RABGAP1L: variants seen among roughly 807,000 people sequenced by gnomAD.
RABGAP1L encodes rab GTPase-activating protein 1-like.
RABGAP1L carries 63 observed loss-of-function variants against 137.7 expected under a neutral mutation model. The ratio of observed to expected loss-of-function variants is 0.46; its 90% CI spans 0.37 to 0.56. The LOEUF (loss-of-function observed/expected upper bound fraction) is 0.56. RABGAP1L is among the 20% of genes least tolerant of loss of function. The pLI is 0.00. For missense variants in RABGAP1L, 1,095 were observed against 1,244.0 expected (o/e 0.88, Z 1.80); for synonymous variants, 431 against 433.7 (o/e 0.99, Z 0.08).
At chr1:174,816,393 C>T (rs537519847) in intron 19 of RABGAP1L, among the ~76,000 whole-genome samples, 4 of 152,172 alleles carry the variant, frequency 2.6e-5, no homozygotes, top group South Asian at 2.1e-4. Flanking sequence ...TTATCCACCC[C>T]CCTTGGCCAC....
At chr1:174,386,005 G>T (rs1183018079) in intron 12 of RABGAP1L, among the ~76,000 whole-genome samples, 2 of 149,924 alleles carry the variant, frequency 1.3e-5, no homozygotes, top group African/African-American at 2.6e-5. Flanking sequence ...TGTTAGAAAG[G>T]ATGTAACAGA....
intron 13 of RABGAP1L, among the ~76,000 whole-genome samples, chr1:174,605,848 C>T (rs574675527): frequency 7.8e-4 from 119 of 152,134 alleles, no homozygotes; most frequent in Non-Finnish European, 1.5e-3. Flanking sequence ...CTTCTTAAAG[C>T]GAATTTTCTA....
chr1:174,681,891 TCTC>T (rs1490647429), intron 14 of RABGAP1L, among the ~76,000 whole-genome samples: 3 of 152,096 alleles, frequency 2.0e-5, no homozygotes, highest in Admixed American at 6.6e-5. Flanking sequence ...TAAATGGAAA[TCTC>T]CTCACTAAAA....
intron 7 of RABGAP1L, among the ~76,000 whole-genome samples, chr1:174,269,347 G>A (rs988369157): frequency 6.6e-6 from 1 of 152,226 alleles, no homozygotes; most frequent in Non-Finnish European, 1.5e-5. Context: ...TGAGGTTTGT[G>A]ATTTGCCCAG....
At chr1:174,775,117 A>G (rs79708889) in intron 18 of RABGAP1L, among the ~76,000 whole-genome samples, 3,221 of 152,236 alleles carry the variant, frequency 0.021, 54 homozygotes, top group Middle Eastern at 0.085. Flanking sequence ...GGGAAATTTC[A>G]AGCAAAAGTG....
chr1:174,351,897 G>T (rs1214832251), intron 11 of RABGAP1L, among the ~76,000 whole-genome samples: 4 of 152,126 alleles, frequency 2.6e-5, no homozygotes, highest in Non-Finnish European at 4.4e-5. Flanking sequence ...CACCTCCCGG[G>T]TTCATGCCAT....
chr1:174,388,399 A>T (rs1186667693), intron 12 of RABGAP1L, among the ~76,000 whole-genome samples: 1 of 152,028 alleles, frequency 6.6e-6, no homozygotes, highest in Non-Finnish European at 1.5e-5. Context: ...CTGTATAAAA[A>T]GTTCAGTACT....
chr1:174,456,730 A>C (rs1013462469), intron 13 of RABGAP1L, among the ~76,000 whole-genome samples: 1 of 152,154 alleles, frequency 6.6e-6, no homozygotes, highest in African/African-American at 2.4e-5. Flanking sequence ...CTTAGAGGAA[A>C]TCTTTCTTTA....
intron 19 of RABGAP1L, among the ~76,000 whole-genome samples, chr1:174,939,339 T>G (rs2149285416): frequency 6.6e-6 from 1 of 152,178 alleles, no homozygotes; most frequent in East Asian, 1.9e-4. Flanking sequence ...GCAAATCACT[T>G]CAGATGAGGA....
At chr1:174,251,225 C>T (rs1041290971) in intron 6 of RABGAP1L, among the ~76,000 whole-genome samples, 2 of 151,932 alleles carry the variant, frequency 1.3e-5, no homozygotes, top group Non-Finnish European at 2.9e-5. Flanking sequence ...GGTCTCTTCC[C>T]TTTGTTTATT....
rs1553292751 is a variant in RABGAP1L, at chr1:174,952,356, A to AAAG, written c.2341-5099_2341-5098insGAA. ...GGCTCTACCAAAAAAAAAAAAAAAA[A>AAAG]AAAAAAAAGCTAGGCATGGTGGTGT... On this transcript the variant is annotated intron_variant, in intron 19 of 25. Transcript: ENST00000681986. Among the ~76,000 whole-genome samples the AAAG allele has an allele frequency of 3.6e-3, 529 of 148,968 alleles. 8 individuals are homozygous for AAAG. The highest frequency in any genetic ancestry group is 9.1e-3 in the African/African-American group (368 of 40,516).
chr1:174,505,606 A>G (rs554965965), intron 13 of RABGAP1L, among the ~76,000 whole-genome samples: 5 of 152,168 alleles, frequency 3.3e-5, no homozygotes, highest in Non-Finnish European at 7.4e-5. Flanking sequence ...CCAAAATGTC[A>G]CTTCACACCT....
intron 13 of RABGAP1L, among the ~76,000 whole-genome samples, chr1:174,609,950 T>G (rs1172861057): frequency 9.2e-5 from 14 of 151,822 alleles, no homozygotes; most frequent in Non-Finnish European, 4.4e-5. Context: ...AGAGATCCAT[T>G]TTGTTTTGTT....
intron 18 of RABGAP1L, among the ~76,000 whole-genome samples, chr1:174,763,522 G>A (rs1685409124): frequency 1.3e-5 from 2 of 151,230 alleles, no homozygotes. Context: ...GTGGTAGCGG[G>A]CGCCTGTAGT....
rs60907175 is a variant in RABGAP1L, at chr1:174,329,905, T to TA, written c.1465+24785dup. Among the ~76,000 whole-genome samples the TA allele has an allele frequency of 3.6e-4, 54 of 150,536 alleles. 1 individual carries two copies. The South Asian group carries it at 8.4e-3, about 23-fold the overall frequency. On this transcript the variant is annotated intron_variant, in intron 11 of 25. Coordinates refer to ENST00000681986, the MANE Select transcript of RABGAP1L (RefSeq NM_001366446.1). ...AAATTTCATAATAATAATTTTTTTTTAAAAAAAGACTGATTTGAATAATAA... is the reference window on the plus strand; with the variant it reads ...AAATTTCATAATAATAATTTTTTTTTAAAAAAAAGACTGATTTGAATAATAA...
At chr1:174,627,612 A>C (rs1352881822) in intron 13 of RABGAP1L, among the ~76,000 whole-genome samples, 1 of 152,202 alleles carries the variant, frequency 6.6e-6, no homozygotes, top group Non-Finnish European at 1.5e-5. Context: ...TCTCTGCTGG[A>C]CTATGATTTT....
rs532594566 is a variant in RABGAP1L, at chr1:174,220,998, G to A, written c.165G>A (p.Leu55=). The A allele has an allele frequency of 5.6e-6, 9 of 1,611,394 alleles. No individual in the cohort carries two copies. In the African/African-American group the frequency reaches 1.2e-4, roughly 22 times the overall value. The change falls in exon 3 of 26, where the codon TTG becomes TTA. Residue 55 remains leucine (L), a synonymous_variant. Transcript: ENST00000681986. ...LKIVSNGDEQ[L]EKAMEEILRD... is the part of the protein sequence containing the mutation. ...TAGTTTCTAATGGTGATGAACAATT[G>A]GAAAAAGCCATGGAAGAGATTTTGA...
intron 13 of RABGAP1L, among the ~76,000 whole-genome samples, chr1:174,536,518 A>G (rs1664903562): frequency 6.6e-6 from 1 of 152,168 alleles, no homozygotes; most frequent in Admixed American, 6.5e-5. Flanking sequence ...TTATGTGGGA[A>G]GAATTATGCT....
At chr1:174,164,276 A>G (rs1664740664) in intron 1 of RABGAP1L, among the ~76,000 whole-genome samples, 1 of 152,152 alleles carries the variant, frequency 6.6e-6, no homozygotes, top group East Asian at 1.9e-4. Context: ...TGTTACTCCC[A>G]TTTTTGAAGA....
Sources: allele counts gnomAD v4.1 joint callset (sites outside exome capture counted in the v4.1 genomes callset), GRCh38; gene constraint gnomAD v4.1.1; transcripts MANE v1.5; gene names NCBI Gene and HGNC (gene_info 2026-07-23, HGNC 2026-07-21).